TRPM3: variants seen among roughly 807,000 people sequenced by gnomAD.
TRPM3 encodes the protein transient receptor potential cation channel subfamily M member 3, also known as long transient receptor potential channel 3.
Under a neutral mutation model 181.2 loss-of-function variants are expected in TRPM3, and 77 were observed. The observed-to-expected ratio is 0.42, with a 90% CI of 0.35 to 0.51. TRPM3 has a LOEUF of 0.51. TRPM3 is among the 20% of genes least tolerant of loss of function. TRPM3 has a pLI of 0.01. For missense variants in TRPM3, 1,759 were observed against 2,196.7 expected (o/e 0.80, Z 3.98); for synonymous variants, 745 against 796.4 (o/e 0.94, Z 1.09).
At chr9:70,566,894 G>C (rs2050742337) in intron 22 of TRPM3, among the ~76,000 whole-genome samples, 1 of 152,190 alleles carries the variant, frequency 6.6e-6, no homozygotes, top group Middle Eastern at 3.2e-3. Flanking sequence ...GCCTTTATTG[G>C]CCAAACAGCA....
At chr9:71,106,477 A>G (rs1281060419) in intron 1 of TRPM3, among the ~76,000 whole-genome samples, 2 of 152,016 alleles carry the variant, frequency 1.3e-5, no homozygotes, top group African/African-American at 4.8e-5. Flanking sequence ...TTCCTTTGAC[A>G]GGCCTGCTTC....
intron 22 of TRPM3, among the ~76,000 whole-genome samples, chr9:70,576,523 T>G (rs891185263): frequency 2.6e-5 from 4 of 151,228 alleles, no homozygotes; most frequent in African/African-American, 7.3e-5. Flanking sequence ...TTTTTTTTTT[T>G]TGGTTTTCCC....
chr9:71,309,380 A>C (rs562426638), intron 1 of TRPM3, among the ~76,000 whole-genome samples: 1 of 152,292 alleles, frequency 6.6e-6, no homozygotes, highest in African/African-American at 2.4e-5. Context: ...TTTTTCCAGA[A>C]GGATACCAAT....
rs1017605661 is a variant in TRPM3 at position 71,049,381 on chromosome 9, C to T, written c.177+71797G>A. Among the ~76,000 whole-genome samples the T allele has an allele frequency of 3.9e-5, 6 of 152,076 alleles. No homozygotes were observed. The East Asian group carries it at 9.6e-4, about 24-fold the overall frequency. Reference sequence around the variant, plus strand: ...AAATATATGGTATGCATATATACTCCAAATCCTAGAACATATATACTGAAA... The same window carrying T: ...AAATATATGGTATGCATATATACTCTAAATCCTAGAACATATATACTGAAA... On this transcript the variant is annotated intron_variant, in intron 1 of 25. Coordinates refer to ENST00000677713, the MANE Select transcript of TRPM3 (RefSeq NM_001366145.2).
At chr9:70,760,178 T>C (rs1180235516) in intron 8 of TRPM3, among the ~76,000 whole-genome samples, 2 of 151,932 alleles carry the variant, frequency 1.3e-5, no homozygotes, top group Non-Finnish European at 2.9e-5. Context: ...TTTGGTTTTA[T>C]GACTTCCCAC....
chr9:70,613,819 T>C (rs570123307), intron 18 of TRPM3, among the ~76,000 whole-genome samples: 2 of 152,306 alleles, frequency 1.3e-5, no homozygotes, highest in East Asian at 3.9e-4. Flanking sequence ...TGGTGGCTTC[T>C]TGAAGGATCA....
chr9:70,848,665 A>G (rs183830830), intron 3 of TRPM3, among the ~76,000 whole-genome samples: 56 of 152,336 alleles, frequency 3.7e-4, no homozygotes, highest in African/African-American at 1.3e-3. Context: ...ACCTGAAGCC[A>G]AAACCTTCCA....
chr9:70,893,453 TATATAA>T (rs2096240750), intron 1 of TRPM3, among the ~76,000 whole-genome samples: 1 of 152,174 alleles, frequency 6.6e-6, no homozygotes, highest in African/African-American at 2.4e-5. Context: ...GATAAAACAC[TATATAA>T]ATATGTTATG....
intron 1 of TRPM3, among the ~76,000 whole-genome samples, chr9:71,154,582 G>T (rs2075891685): frequency 3.9e-5 from 6 of 152,066 alleles, no homozygotes; most frequent in Admixed American, 3.9e-4. Context: ...ATCTGAAGAA[G>T]CCTTCTCCAT....
chr9:71,330,964 C>G (rs1258986404), intron 1 of TRPM3, among the ~76,000 whole-genome samples: 2 of 151,812 alleles, frequency 1.3e-5, no homozygotes, highest in Non-Finnish European at 2.9e-5. Flanking sequence ...TCTCAAAAAA[C>G]AGATTTTGTG....
chr9:71,000,800 T>C (rs369933110), intron 1 of TRPM3, among the ~76,000 whole-genome samples: 1 of 152,154 alleles, frequency 6.6e-6, no homozygotes, highest in East Asian at 1.9e-4. Flanking sequence ...ATTTTCTAAT[T>C]TTTTCATTAG....
intron 1 of TRPM3, among the ~76,000 whole-genome samples, chr9:71,381,500 G>T (rs1343403012): frequency 2.0e-5 from 3 of 152,082 alleles, no homozygotes; most frequent in Non-Finnish European, 4.4e-5. Context: ...CTAGGCAATT[G>T]CCAACTTCAA....
chr9:70,810,332 T>C (rs927855595), intron 6 of TRPM3, among the ~76,000 whole-genome samples: 7 of 146,928 alleles, frequency 4.8e-5, no homozygotes, highest in Admixed American at 2.1e-4. Flanking sequence ...AACCCCACCC[T>C]CCTCTCCATC....
chr9:70,698,603 T>C (rs1448040282), intron 8 of TRPM3, among the ~76,000 whole-genome samples: 1 of 152,174 alleles, frequency 6.6e-6, no homozygotes, highest in East Asian at 1.9e-4. Context: ...GTGTTAAACA[T>C]AGTGATATGG....
intron 1 of TRPM3, among the ~76,000 whole-genome samples, chr9:71,026,049 G>A (rs1229400479): frequency 6.6e-6 from 1 of 152,220 alleles, no homozygotes; most frequent in Non-Finnish European, 1.5e-5. Flanking sequence ...ATGGACACTT[G>A]TACTGGCAGG....
chr9:71,245,012 G>A (rs1290588203), intron 1 of TRPM3, among the ~76,000 whole-genome samples: 5 of 152,252 alleles, frequency 3.3e-5, no homozygotes, highest in Admixed American at 1.3e-4. Context: ...GGGGTTGCTC[G>A]AACAACATGA....
In TRPM3 at chr9:71,121,404, G is replaced by C. The variant is rs12551555; in HGVS notation, c.-50C>G. On this transcript the variant is annotated 5_prime_UTR_variant, in exon 1 of 26. Coordinates refer to ENST00000677713, the MANE Select transcript of TRPM3 (RefSeq NM_001366145.2). ...AATTCCATTAGGGCAGAGGCTTCCT[G>C]GAACTTGGAAGACTAGTCAAGTAGC... 0.047 allele frequency: 73,843 copies of C among 1,586,448 alleles called. 2,705 individuals carry two copies. The highest frequency in any genetic ancestry group is 0.16 in the African/African-American group (11,911 of 73,946).
At chr9:71,381,349 G>A (rs545976098) in intron 1 of TRPM3, among the ~76,000 whole-genome samples, 55 of 152,190 alleles carry the variant, frequency 3.6e-4, no homozygotes, top group African/African-American at 1.3e-3. Flanking sequence ...AAGACAGTAG[G>A]TGGGTATATC....
At chr9:71,202,058 T>C (rs1045100137) in intron 1 of TRPM3, among the ~76,000 whole-genome samples, 8 of 152,238 alleles carry the variant, frequency 5.3e-5, no homozygotes, top group Non-Finnish European at 8.8e-5. Context: ...GACAGGACCC[T>C]CAGCTGCAGG....
Sources: allele counts gnomAD v4.1 joint callset (sites outside exome capture counted in the v4.1 genomes callset), GRCh38; gene constraint gnomAD v4.1.1; transcripts MANE v1.5; gene names NCBI Gene and HGNC (gene_info 2026-07-23, HGNC 2026-07-21).